CHRM3: variants seen among roughly 807,000 people sequenced by gnomAD.
CHRM3 encodes the protein cholinergic receptor muscarinic 3.
A neutral mutation model predicts 41.8 loss-of-function variants in CHRM3; 11 were observed. The ratio of observed to expected loss-of-function variants is 0.26; its 90% CI spans 0.17 to 0.44. The LOEUF is 0.44. Among genes scored for constraint, CHRM3 ranks in the 20% least tolerant of loss-of-function variants. CHRM3 has a pLI of 1.00. For synonymous variants in CHRM3, 297 were observed against 301.4 expected, an observed-to-expected ratio of 0.99 and a Z score of 0.15; for missense variants, 571 against 745.4, an observed-to-expected ratio of 0.77 and a Z score of 2.72.
intron 2 of CHRM3, among the ~76,000 whole-genome samples, chr1:239,517,703 AC>A (rs996303905): frequency 7.2e-5 from 11 of 152,184 alleles, no homozygotes; most frequent in African/African-American, 2.7e-4. Context: ...CCCAGGCACT[AC>A]TTTTATCTTT....
At chr1:239,887,466 C>T (rs1486308882) in intron 6 of CHRM3, among the ~76,000 whole-genome samples, 2 of 152,112 alleles carry the variant, frequency 1.3e-5, no homozygotes, top group African/African-American at 4.8e-5. Flanking sequence ...ACCTAGCCAC[C>T]CCCACCTCAG....
At chr1:239,637,242 A>G (rs959102600) in intron 4 of CHRM3, among the ~76,000 whole-genome samples, 55 of 152,268 alleles carry the variant, frequency 3.6e-4, no homozygotes, top group African/African-American at 1.3e-3. Context: ...CTAACATGTT[A>G]CTACATCACT....
chr1:239,589,801 A>G (rs1176537681), intron 3 of CHRM3, among the ~76,000 whole-genome samples: 1 of 150,916 alleles, frequency 6.6e-6, no homozygotes, highest in African/African-American at 2.4e-5. Flanking sequence ...TTTTATATAT[A>G]TAGTTTTTTT....
intron 3 of CHRM3, among the ~76,000 whole-genome samples, chr1:239,627,403 C>T (rs1669094341): frequency 2.5e-5 from 3 of 118,712 alleles, no homozygotes; most frequent in South Asian, 3.3e-4. Flanking sequence ...TGTCTCTGCA[C>T]GTGAGATGGG....
At chr1:239,702,248 G>A (rs1411007401) in intron 5 of CHRM3, among the ~76,000 whole-genome samples, 1 of 152,142 alleles carries the variant, frequency 6.6e-6, no homozygotes, top group Non-Finnish European at 1.5e-5. Context: ...ACATTTTGGG[G>A]TAATTAACCT....
intron 5 of CHRM3, among the ~76,000 whole-genome samples, chr1:239,761,186 G>A (rs685960): frequency 0.82 from 125,054 of 152,068 alleles, 53,007 homozygotes; most frequent in East Asian, 0.96. Context: ...AAGATAGTGT[G>A]TATTTTATTT....
At chr1:239,785,599 G>C (rs1668830626) in intron 5 of CHRM3, among the ~76,000 whole-genome samples, 1 of 152,098 alleles carries the variant, frequency 6.6e-6, no homozygotes, top group South Asian at 2.1e-4. Flanking sequence ...CTTCAGTGCA[G>C]AATTTCTTTC....
chr1:239,871,901 A>C (rs2149324714), intron 6 of CHRM3, among the ~76,000 whole-genome samples: 1 of 152,352 alleles, frequency 6.6e-6, no homozygotes, highest in African/African-American at 2.4e-5. Flanking sequence ...AAGAATGAAA[A>C]AAGTTCTTCC....
At chr1:239,584,096 A>ATTC in intron 3 of CHRM3, among the ~76,000 whole-genome samples, 1 of 144,988 alleles carries the variant, frequency 6.9e-6, no homozygotes. Flanking sequence ...CGAATTAGTC[A>ATTC]TTCTTCTTCT....
In CHRM3 at chr1:239,908,303, G is replaced by A. The variant is rs1176326112; in HGVS notation, c.852G>A (p.Thr284=). ...AGACAGAAAACTTTGTCCACCCCAC[G>A]GGCAGTTCTCGAAGCTGCAGCAGTT... ...EAETENFVHP[T]GSSRSCSSYE... Residue 284 remains threonine, a synonymous_variant, in exon 7 of 7, where the codon ACG becomes ACA. Transcript: ENST00000676153. The surrounding 1 kb of genome is among the most constrained non-coding windows in gnomAD (Gnocchi z 7.2). 1.9e-6 allele frequency: 3 copies of A among 1,614,052 alleles called. No individual in the cohort carries two copies. The highest frequency in any genetic ancestry group is 1.7e-6 in the Non-Finnish European group (2 of 1,180,022).
intron 3 of CHRM3, among the ~76,000 whole-genome samples, chr1:239,569,744 C>T (rs115020360): frequency 0.023 from 3,560 of 152,184 alleles, 47 homozygotes; most frequent in Non-Finnish European, 0.036. Flanking sequence ...TACTGAAATT[C>T]TGAATTGGAT....
intron 5 of CHRM3, among the ~76,000 whole-genome samples, chr1:239,687,576 C>G (rs1659266378): frequency 6.6e-6 from 1 of 152,010 alleles, no homozygotes; most frequent in Non-Finnish European, 1.5e-5. Flanking sequence ...TAAAAACATG[C>G]CTTTATTAAT....
rs186904542 is a variant in CHRM3 at position 239,410,845 on chromosome 1, T to C, written c.-521+23618T>C. ...TTCCAAGCGGTTGAAAAGATCAATA[T>C]ATTTTTCTGAGGCAAAATAAGAAAT... On this transcript the variant is annotated intron_variant, in intron 1 of 6. Coordinates refer to ENST00000676153, the MANE Select transcript of CHRM3 (RefSeq NM_001375978.1). Among the ~76,000 whole-genome samples, 991 of 152,346 alleles carry C rather than the reference T, an allele frequency of 6.5e-3. 7 individuals carry two copies. Among genetic ancestry groups the C allele is most frequent in the Middle Eastern group, 0.014 (4 of 294 alleles).
chr1:239,881,110 C>A (rs1193171985), intron 6 of CHRM3, among the ~76,000 whole-genome samples: 1 of 151,432 alleles, frequency 6.6e-6, no homozygotes, highest in Non-Finnish European at 1.5e-5. Flanking sequence ...GGTGAAACCC[C>A]GTCTCTACAA....
At chr1:239,414,954 A>G (rs1474521312) in intron 1 of CHRM3, among the ~76,000 whole-genome samples, 1 of 152,204 alleles carries the variant, frequency 6.6e-6, no homozygotes, top group African/African-American at 2.4e-5. Flanking sequence ...TATTTAATGT[A>G]TGAGTTTCAT....
intron 2 of CHRM3, among the ~76,000 whole-genome samples, chr1:239,528,082 C>T (rs1168388812): frequency 6.6e-6 from 1 of 152,160 alleles, no homozygotes; most frequent in Non-Finnish European, 1.5e-5. Flanking sequence ...CAGCAACTAT[C>T]ATTATTTAGT....
chr1:239,702,912 A>G (rs1222026242), intron 5 of CHRM3, among the ~76,000 whole-genome samples: 1 of 152,232 alleles, frequency 6.6e-6, no homozygotes, highest in Non-Finnish European at 1.5e-5. Flanking sequence ...AGCAACATCT[A>G]TAATCTATAA....
At position 239,437,311 on chromosome 1, in the gene CHRM3, A is replaced by G. The variant is rs546014784; in HGVS notation, c.-521+50084A>G. On this transcript the variant is annotated intron_variant, in intron 1 of 6. Coordinates refer to ENST00000676153, the MANE Select transcript of CHRM3 (RefSeq NM_001375978.1). Reference sequence around the variant, plus strand: ...TTTTTTGTAGAGACAGGGTCTTGCTACATTGCTCAGGTTGGTTTCAAACTC... The same window carrying G: ...TTTTTTGTAGAGACAGGGTCTTGCTGCATTGCTCAGGTTGGTTTCAAACTC... 5.9e-5 allele frequency among the ~76,000 whole-genome samples: 9 copies of G among 152,204 alleles called. No homozygotes were observed. The East Asian group carries it at 1.7e-3, about 29-fold the overall frequency.
chr1:239,666,360 A>AT (rs34849546), intron 4 of CHRM3, among the ~76,000 whole-genome samples: 95,956 of 149,000 alleles, frequency 0.64, 31,058 homozygotes, highest in East Asian at 0.84. Flanking sequence ...ACACCCAGCA[A>AT]TTTTTTTTTT....
Sources: gnomAD v4.1 joint callset for allele counts (sites outside exome capture counted in the v4.1 genomes callset) on GRCh38, gnomAD v4.1.1 for gene constraint, Gnocchi (gnomAD v3.1) non-coding constraint, MANE v1.5 for transcripts, NCBI Gene and HGNC (gene_info 2026-07-23, HGNC 2026-07-21) for gene names.